TMEM63C: variants seen among roughly 807,000 people sequenced by gnomAD.
The protein encoded by TMEM63C is transmembrane protein 63C, also known as osmosensitive cation channel TMEM63C.
In TMEM63C, 32 loss-of-function variants were observed where a neutral mutation model predicts 99.2. The observed-to-expected ratio is 0.32, with a 90% CI of 0.24 to 0.43. The LOEUF (loss-of-function observed/expected upper bound fraction) is 0.43, where lower values mean the gene tolerates loss of function less well. Among genes scored for constraint, TMEM63C ranks in the 20% least tolerant of loss-of-function variants. The probability of loss-of-function intolerance (pLI) is 1.00; values close to 1 mark genes in which losing one functional copy is unlikely to be tolerated. For missense variants in TMEM63C, 826 were observed against 1,053.0 expected, an observed-to-expected ratio of 0.78 and a Z score of 2.98; for synonymous variants, 376 against 397.9, an observed-to-expected ratio of 0.94 and a Z score of 0.66.
At chr14:77,185,700 C>T (rs554884749) in intron 1 of TMEM63C, among the ~76,000 whole-genome samples, 1 of 152,298 alleles carries the variant, frequency 6.6e-6, no homozygotes, top group South Asian at 2.1e-4. Context: ...GGAAATCAAT[C>T]CTGCTTTGAT....
At chr14:77,241,284 A>G (rs1288206588) in intron 13 of TMEM63C, among the ~76,000 whole-genome samples, 1 of 152,038 alleles carries the variant, frequency 6.6e-6, no homozygotes, top group East Asian at 1.9e-4. Context: ...ACCATAAGAG[A>G]GCGTCAGGAT....
At chr14:77,189,599 C>G (rs533936948) in intron 1 of TMEM63C, among the ~76,000 whole-genome samples, 1 of 152,312 alleles carries the variant, frequency 6.6e-6, no homozygotes, top group African/African-American at 2.4e-5. Flanking sequence ...TAACAAAGAA[C>G]AGCTGAAGCA....
At chr14:77,239,331 G>T in intron 10 of TMEM63C, 81 bp from the exon 11 acceptor site, 3 of 1,457,144 alleles carry the variant, frequency 2.1e-6, no homozygotes, top group Non-Finnish European at 9.6e-7. Context: ...CAGCCCTCAG[G>T]GCCGACATGC....
chr14:77,250,226 C>T (rs992489393), intron 21 of TMEM63C, among the ~76,000 whole-genome samples: 1 of 152,192 alleles, frequency 6.6e-6, no homozygotes, highest in Non-Finnish European at 1.5e-5. Flanking sequence ...TCTTTAGCTA[C>T]ACACAGCTAC....
intron 1 of TMEM63C, among the ~76,000 whole-genome samples, chr14:77,199,625 G>A (rs546997182): frequency 1.9e-4 from 29 of 152,102 alleles, no homozygotes; most frequent in African/African-American, 7.0e-4. Flanking sequence ...TGACCCCCCG[G>A]GCTGTGGTCT....
intron 1 of TMEM63C, among the ~76,000 whole-genome samples, chr14:77,208,953 C>G (rs960680843): frequency 6.6e-6 from 1 of 151,826 alleles, no homozygotes; most frequent in African/African-American, 2.4e-5. Flanking sequence ...CATCGTGGGC[C>G]CAATGGAAGG....
intron 16 of TMEM63C, among the ~76,000 whole-genome samples, chr14:77,244,791 T>C (rs1285438844): frequency 2.0e-5 from 3 of 152,232 alleles, no homozygotes; most frequent in Admixed American, 6.5e-5. Flanking sequence ...GTCCCAGGCA[T>C]TCCATGCAGA....
chr14:77,243,430 G>A (rs1163236159), intron 15 of TMEM63C, among the ~76,000 whole-genome samples: 1 of 152,140 alleles, frequency 6.6e-6, no homozygotes, highest in Non-Finnish European at 1.5e-5. Flanking sequence ...TCTGCTCTCT[G>A]CAAGTTGTCC....
intron 1 of TMEM63C, among the ~76,000 whole-genome samples, chr14:77,184,251 AG>A (rs1887959925): frequency 6.6e-6 from 1 of 151,954 alleles, no homozygotes. Flanking sequence ...CTGGGAAGGC[AG>A]GTCAGCCCTC....
chr14:77,222,114 C>G (rs190373805), intron 5 of TMEM63C, among the ~76,000 whole-genome samples: 175 of 152,338 alleles, frequency 1.1e-3, no homozygotes, highest in African/African-American at 4.1e-3. Context: ...CCACTGGGCC[C>G]CAGCCTGATT....
intron 1 of TMEM63C, among the ~76,000 whole-genome samples, chr14:77,192,122 G>T (rs1474230426): frequency 6.6e-6 from 1 of 152,070 alleles, no homozygotes; most frequent in Non-Finnish European, 1.5e-5. Flanking sequence ...CTCTCTTTTG[G>T]TTACCATTTG....
At chr14:77,253,134 C>T (rs1889398329) in intron 22 of TMEM63C, among the ~76,000 whole-genome samples, 171 bp from the exon 23 acceptor site, 1 of 152,248 alleles carries the variant, frequency 6.6e-6, no homozygotes, top group South Asian at 2.1e-4. Context: ...TCCCAGCCTT[C>T]TCTCTGTCCC....
intron 2 of TMEM63C, among the ~76,000 whole-genome samples, chr14:77,217,682 C>T (rs963398704): frequency 1.1e-4 from 16 of 152,198 alleles, no homozygotes; most frequent in African/African-American, 3.9e-4. Flanking sequence ...CACTGTTATC[C>T]ATGCCTGAGG....
chr14:77,218,858 G>C lies in TMEM63C; in HGVS notation c.45G>C (p.Gln15His). The change falls in exon 3 of 24, where the codon CAG becomes CAC. Residue 15 changes from glutamine (Q) to histidine (H), a missense_variant. Coordinates refer to ENST00000298351, the MANE Select transcript of TMEM63C (RefSeq NM_020431.4). ...ACCTGAGTACAGGGGGAAGGTTACAGAACATGACAGTGGATGAATGCTTCC... is the reference window on the plus strand; with the variant it reads ...ACCTGAGTACAGGGGGAAGGTTACACAACATGACAGTGGATGAATGCTTCC... ...PDDLSTGGRL[Q>H]NMTVDECFQS... The C allele has an allele frequency of 6.2e-7, 1 of 1,613,780 alleles. No individual in the cohort carries two copies. Among genetic ancestry groups the C allele is most frequent in the Non-Finnish European group, 8.5e-7 (1 of 1,179,818 alleles).
In TMEM63C at chr14:77,219,536, G is replaced by A. The variant is rs773769739; in HGVS notation, c.189G>A (p.Ala63=). 5.1e-5 allele frequency: 83 copies of A among 1,613,872 alleles called. No individual in the cohort carries two copies. The highest frequency in any genetic ancestry group is 2.8e-4 in the Admixed American group (17 of 60,014). The change falls in exon 4 of 24, where the codon GCG becomes GCA. Residue 63 remains alanine (A), a synonymous_variant. Transcript: ENST00000298351. ...TTTACTCCTTCCTCCGGAAAGCTGCGTGGGACTATGGGCGCCTGGCTCTGC... is the reference window on the plus strand; with the variant it reads ...TTTACTCCTTCCTCCGGAAAGCTGCATGGGACTATGGGCGCCTGGCTCTGC... The part of the protein sequence containing the change: ...LVVYSFLRKA[A]WDYGRLALLI...
chr14:77,189,359 C>T (rs776668403), intron 1 of TMEM63C, among the ~76,000 whole-genome samples: 4 of 151,692 alleles, frequency 2.6e-5, no homozygotes, highest in Non-Finnish European at 5.9e-5. Context: ...CTCAAGTGAT[C>T]CACCCATGTG....
intron 18 of TMEM63C, among the ~76,000 whole-genome samples, chr14:77,247,541 T>C (rs1889286698): frequency 1.3e-5 from 2 of 152,202 alleles, no homozygotes; most frequent in Admixed American, 1.3e-4. Flanking sequence ...AGTTACATTT[T>C]ACTGTCTTAA....
chr14:77,188,435 A>G (rs1888040701), intron 1 of TMEM63C, among the ~76,000 whole-genome samples: 1 of 152,268 alleles, frequency 6.6e-6, no homozygotes, highest in South Asian at 2.1e-4. Context: ...CATTCTGGCA[A>G]GAATGCTAGT....
intron 1 of TMEM63C, among the ~76,000 whole-genome samples, chr14:77,189,571 T>A (rs1427785464): frequency 6.6e-6 from 1 of 152,216 alleles, no homozygotes; most frequent in African/African-American, 2.4e-5. Context: ...ACTTCTAACT[T>A]GTCAGTAACA....
Sources: gnomAD v4.1 joint callset for allele counts (sites outside exome capture counted in the v4.1 genomes callset) on GRCh38, gnomAD v4.1.1 for gene constraint, MANE v1.5 for transcripts, NCBI Gene and HGNC (gene_info 2026-07-23, HGNC 2026-07-21) for gene names.